The following ZNF782 variants were observed in gnomAD, a reference collection of about 807,000 sequenced individuals.
ZNF782 encodes the protein zinc finger protein 782.
A neutral mutation model predicts 13.0 loss-of-function variants in ZNF782; 12 were observed. The ratio of observed to expected loss-of-function variants is 0.92; its 90% CI spans 0.59 to 1.50. The LOEUF is 1.50. Ranked by LOEUF, ZNF782 falls within the 40% of genes most tolerant of loss-of-function variation. The probability of loss-of-function intolerance (pLI) is 0.00; values close to 1 mark genes in which losing one functional copy is unlikely to be tolerated. For synonymous variants in ZNF782, 284 were observed against 283.0 expected, an observed-to-expected ratio of 1.00 and a Z score of -0.04; for missense variants, 770 against 822.9, an observed-to-expected ratio of 0.94 and a Z score of 0.79.
chr9:96,898,564 TG>T, the ZNF782 span, among the ~76,000 whole-genome samples: 2 of 148,772 alleles, frequency 1.3e-5, no homozygotes, highest in African/African-American at 5.0e-5. Flanking sequence ...TTCTTTTCTT[TG>T]AGACACAGTC....
chr9:96,847,304 A>C (rs1439188801), intron 3 of ZNF782, among the ~76,000 whole-genome samples: 2 of 152,296 alleles, frequency 1.3e-5, no homozygotes, highest in Non-Finnish European at 2.9e-5. Flanking sequence ...CAAAGCTAGC[A>C]GGACAAAAGA....
At chr9:96,833,063 C>A (rs942951640) in intron 4 of ZNF782, among the ~76,000 whole-genome samples, 1 of 151,902 alleles carries the variant, frequency 6.6e-6, no homozygotes, top group Non-Finnish European at 1.5e-5. Flanking sequence ...TTCTTCTCTC[C>A]GTCTTCTCTC....
At chr9:96,883,532 A>G in the ZNF782 span, among the ~76,000 whole-genome samples, 2 of 152,136 alleles carry the variant, frequency 1.3e-5, no homozygotes, top group Non-Finnish European at 2.9e-5. Flanking sequence ...GACTAAAGGG[A>G]CGGAGGAGAA....
intron 1 of ZNF782, among the ~76,000 whole-genome samples, chr9:96,868,208 G>C (rs1851782343): frequency 6.6e-6 from 1 of 152,196 alleles, no homozygotes; most frequent in Admixed American, 6.5e-5. Context: ...TCCAATTTAG[G>C]AATACTGATA....
chr9:96,918,316 G>A, the ZNF782 span, among the ~76,000 whole-genome samples: 1 of 148,222 alleles, frequency 6.7e-6, no homozygotes, highest in South Asian at 2.1e-4. Context: ...AAGCTGAGGG[G>A]GGAGAATTGC....
chr9:96,856,014 A>G (rs755205489), upstream of ZNF782, among the ~76,000 whole-genome samples: 3 of 151,878 alleles, frequency 2.0e-5, no homozygotes, highest in Non-Finnish European at 2.9e-5. Flanking sequence ...GCATTTTTTC[A>G]TATGTTTGTT....
upstream of ZNF782, among the ~76,000 whole-genome samples, chr9:96,879,537 A>T (rs950268598): frequency 3.3e-5 from 5 of 152,290 alleles, no homozygotes; most frequent in African/African-American, 1.2e-4. Context: ...TGGGACACTT[A>T]AAGGCATCTA....
upstream of ZNF782, among the ~76,000 whole-genome samples, chr9:96,880,164 T>C (rs1588180615): frequency 6.6e-6 from 1 of 152,138 alleles, no homozygotes; most frequent in Non-Finnish European, 1.5e-5. Flanking sequence ...AACCCACTTA[T>C]TAGTTTTAAG....
chr9:96,830,063 A>G (rs1456948066), intron 4 of ZNF782, among the ~76,000 whole-genome samples: 1 of 152,216 alleles, frequency 6.6e-6, no homozygotes, highest in Non-Finnish European at 1.5e-5. Context: ...AACAAACAAC[A>G]TGAATGTGGA....
chr9:96,844,310 A>AG (rs1337233593), intron 4 of ZNF782, among the ~76,000 whole-genome samples: 1 of 152,238 alleles, frequency 6.6e-6, no homozygotes, highest in African/African-American at 2.4e-5. Flanking sequence ...TAGCAGCTTT[A>AG]CTCAGAAAAG....
At chr9:96,821,239 T>C (rs1016857842) in intron 5 of ZNF782, among the ~76,000 whole-genome samples, 3 of 152,248 alleles carry the variant, frequency 2.0e-5, no homozygotes, top group Non-Finnish European at 4.4e-5. Context: ...TTACATGTTG[T>C]AGCTCTCACT....
At chr9:96,826,717 A>G (rs59800813) in intron 5 of ZNF782, among the ~76,000 whole-genome samples, 4,433 of 152,264 alleles carry the variant, frequency 0.029, 229 homozygotes, top group African/African-American at 0.1. Flanking sequence ...CTGCACAAAC[A>G]ATATGATAGG....
At chr9:96,847,132 A>G (rs1012434852) in intron 3 of ZNF782, among the ~76,000 whole-genome samples, 1 of 152,120 alleles carries the variant, frequency 6.6e-6, no homozygotes, top group African/African-American at 2.4e-5. Flanking sequence ...TACAAATTCA[A>G]TGAATGATAA....
At chr9:96,861,511 T>C (rs1851702475) in intron 2 of ZNF782, 1 of 154,082 alleles carries the variant, frequency 6.5e-6, no homozygotes, top group African/African-American at 2.4e-5. Context: ...TTTGGGAGAA[T>C]TAAGGGCAAA....
At chr9:96,931,861 C>G in the ZNF782 span, 1 of 1,612,330 alleles carries the variant, frequency 6.2e-7, no homozygotes, top group Admixed American at 1.7e-5. Flanking sequence ...CTCCAGCCGG[C>G]CCTCTGGTGC....
At chr9:96,842,482 A>G (rs187092524) in intron 4 of ZNF782, among the ~76,000 whole-genome samples, 1 of 152,174 alleles carries the variant, frequency 6.6e-6, no homozygotes, top group African/African-American at 2.4e-5. Flanking sequence ...AATGAAGGGT[A>G]ATGGTGTTGC....
chr9:96,844,802 G>A (rs1289558486), intron 4 of ZNF782, 88 bp downstream of exon 4: 1 of 1,582,998 alleles, frequency 6.3e-7, no homozygotes, highest in African/African-American at 1.3e-5. Context: ...CACTGTAGAG[G>A]GAGTCACATG....
chr9:96,887,342 A>AAGGAAGGAAGG, the ZNF782 span: 49 of 107,714 alleles, frequency 4.5e-4, no homozygotes, highest in Middle Eastern at 4.9e-3. Context: ...AGGAAGGAAG[A>AAGGAAGGAAGG]AAGAAAGAAA....
chr9:96,831,153 T>A (rs568052761), intron 4 of ZNF782, among the ~76,000 whole-genome samples: 9 of 152,226 alleles, frequency 5.9e-5, no homozygotes, highest in African/African-American at 1.7e-4. Context: ...AATGATAGCT[T>A]ACCAAGTTAG....
Sources: allele counts gnomAD v4.1 joint callset (sites outside exome capture counted in the v4.1 genomes callset), GRCh38; gene constraint gnomAD v4.1.1; transcripts MANE v1.5; gene names NCBI Gene and HGNC (gene_info 2026-07-23, HGNC 2026-07-21).